The following PKD2 variants were observed in gnomAD, a reference collection of about 807,000 sequenced individuals.
PKD2 encodes polycystin 2, transient receptor potential cation channel.
A neutral mutation model predicts 105.9 loss-of-function variants in PKD2; 48 were observed. The observed-to-expected ratio is 0.45, with a 90% CI of 0.36 to 0.58. The LOEUF (loss-of-function observed/expected upper bound fraction) is 0.58. PKD2 is among the 20% of genes least tolerant of loss of function. The pLI, the probability that PKD2 is intolerant of heterozygous loss-of-function variation, is 0.00. For synonymous variants in PKD2, 464 were observed against 481.1 expected, an observed-to-expected ratio of 0.96 and a Z score of 0.46; for missense variants, 1,078 against 1,255.3, an observed-to-expected ratio of 0.86 and a Z score of 2.13.
chr4:88,042,989 G>A (rs1035397055), intron 4 of PKD2, among the ~76,000 whole-genome samples: 17 of 152,154 alleles, frequency 1.1e-4, no homozygotes, highest in African/African-American at 3.1e-4. Context: ...ATTGGTTCCC[G>A]AGTCTGCCCT....
At chr4:88,057,955 A>G (rs2110129418) in intron 8 of PKD2, 28 bp from the exon 9 acceptor site, 8 of 1,547,966 alleles carry the variant, frequency 5.2e-6, no homozygotes, top group African/African-American at 1.4e-5. Flanking sequence ...TTGTTTTTGT[A>G]TTGTGGTGTT....
intron 2 of PKD2, among the ~76,000 whole-genome samples, chr4:88,031,060 A>G (rs1727130315): frequency 6.6e-6 from 1 of 152,158 alleles, no homozygotes; most frequent in Admixed American, 6.5e-5. Context: ...CACACTTTCA[A>G]TTTTGAATTT....
intron 4 of PKD2, among the ~76,000 whole-genome samples, chr4:88,041,516 C>T (rs968159337): frequency 3.3e-5 from 5 of 152,168 alleles, no homozygotes; most frequent in Admixed American, 3.3e-4. Context: ...GTGTAGGCTT[C>T]CAGGAGCCCT....
chr4:88,062,397 A>T (rs1050790575), intron 10 of PKD2, among the ~76,000 whole-genome samples: 1 of 152,206 alleles, frequency 6.6e-6, no homozygotes, highest in African/African-American at 2.4e-5. Flanking sequence ...TTACCATTTT[A>T]AAAAAATAAA....
At chr4:88,074,775 A>G in intron 13 of PKD2, 37 bp from the exon 14 acceptor site, 1 of 1,612,716 alleles carries the variant, frequency 6.2e-7, no homozygotes, top group Non-Finnish European at 8.5e-7. Flanking sequence ...AGACAATGAC[A>G]AGCACTTTGT....
chr4:88,057,148 C>G (rs1720379707), intron 8 of PKD2, among the ~76,000 whole-genome samples: 1 of 151,966 alleles, frequency 6.6e-6, no homozygotes, highest in African/African-American at 2.4e-5. Context: ...TGCCACCATG[C>G]CTGGCCAATT....
At chr4:88,070,574 T>TTTTATA in intron 13 of PKD2, among the ~76,000 whole-genome samples, 1 of 113,936 alleles carries the variant, frequency 8.8e-6, no homozygotes, top group African/African-American at 3.5e-5. Context: ...TTTATTTATT[T>TTTTATA]TATATATATA....
chr4:88,040,965 G>C (rs761669774), intron 4 of PKD2, among the ~76,000 whole-genome samples: 1 of 152,106 alleles, frequency 6.6e-6, no homozygotes, highest in Non-Finnish European at 1.5e-5. Context: ...TCTTCTAGTA[G>C]TGCCCTTGAT....
intron 1 of PKD2, among the ~76,000 whole-genome samples, chr4:88,011,476 T>G (rs1458490744): frequency 6.6e-6 from 1 of 152,024 alleles, no homozygotes; most frequent in Non-Finnish European, 1.5e-5. Flanking sequence ...GAGAGGGTAT[T>G]CCAGGTTGAA....
At chr4:88,075,372 A>G in intron 14 of PKD2, 86 bp from the exon 15 acceptor site, 1 of 988,428 alleles carries the variant, frequency 1.0e-6, no homozygotes, top group Non-Finnish European at 1.6e-6. Context: ...CTCCAGCCTT[A>G]CCAAACTACA....
chr4:88,038,145 C>A, intron 3 of PKD2, 106 bp from the exon 4 acceptor site: 1 of 1,147,498 alleles, frequency 8.7e-7, no homozygotes, highest in Non-Finnish European at 1.3e-6. Context: ...TATCACTCTA[C>A]TATTTTCATA....
chr4:88,076,083 A>T lies in PKD2; in HGVS notation c.*389A>T. Reference sequence around the variant, plus strand: ...AAATCAGTATTGTTATTTTTTTCCAAGAGTGTGAAGGAAAATGGGGCATTC... The same window carrying T: ...AAATCAGTATTGTTATTTTTTTCCATGAGTGTGAAGGAAAATGGGGCATTC... On this transcript the variant is annotated 3_prime_UTR_variant, in exon 15 of 15. Transcript: ENST00000237596. 1 of 227,892 alleles carries T rather than the reference A, an allele frequency of 4.4e-6. No individual in the cohort carries two copies. The highest frequency in any genetic ancestry group is 6.1e-5 in the South Asian group (1 of 16,368). 14.1% of individuals were successfully genotyped at this position (227,892 alleles called of 1,614,324 possible).
chr4:88,035,097 G>A (rs1357452261), intron 2 of PKD2, among the ~76,000 whole-genome samples: 6 of 152,116 alleles, frequency 3.9e-5, no homozygotes, highest in Non-Finnish European at 5.9e-5. Context: ...GGGATAGTTG[G>A]TTATCCCCAT....
At position 88,008,713 on chromosome 4, in the gene PKD2, G is replaced by A. The variant is rs969677329; in HGVS notation, c.595+385G>A. Among the ~76,000 whole-genome samples, 5 of 152,030 alleles carry A rather than the reference G, an allele frequency of 3.3e-5. No homozygotes were observed. The East Asian group carries it at 9.7e-4, about 29-fold the overall frequency. ...TAGTTGCAACTGCATATTTGCCAATGTCACAAAATCTAAAGGAAAATGTTA... is the reference window on the plus strand; with the variant it reads ...TAGTTGCAACTGCATATTTGCCAATATCACAAAATCTAAAGGAAAATGTTA... On this transcript the variant is annotated intron_variant, in intron 1 of 14. Transcript: ENST00000237596.
In PKD2 at chr4:88,076,165, GC is replaced by G. The variant is rs1721227713; in HGVS notation, c.*473del. The G allele has an allele frequency of 6.4e-6, 1 of 157,026 alleles. No individual in the cohort carries two copies. Among genetic ancestry groups the G allele is most frequent in the Non-Finnish European group, 1.4e-5 (1 of 70,938 alleles). 9.7% of individuals were successfully genotyped at this position (157,026 alleles called of 1,614,324 possible). On this transcript the variant is annotated 3_prime_UTR_variant, in exon 15 of 15. Coordinates refer to ENST00000237596, the MANE Select transcript of PKD2 (RefSeq NM_000297.4). ...TACATAGCTTTCTTTTAAGAAAGGA[GC>G]CTTTTTTTTCAACTAGCTTCCTGGG...
At chr4:88,050,311 C>T (rs1245718842) in intron 6 of PKD2, among the ~76,000 whole-genome samples, 1 of 152,052 alleles carries the variant, frequency 6.6e-6, no homozygotes, top group Non-Finnish European at 1.5e-5. Flanking sequence ...TTTCTGAGCA[C>T]CTACTATGTA....
At chr4:88,034,132 A>C (rs575492656) in intron 2 of PKD2, among the ~76,000 whole-genome samples, 3 of 152,230 alleles carry the variant, frequency 2.0e-5, no homozygotes, top group Admixed American at 2.0e-4. Flanking sequence ...AGTAAGTCAT[A>C]TAACACCTGA....
intron 13 of PKD2, 66 bp downstream of exon 13, chr4:88,068,127 C>T (rs1720865655): frequency 8.0e-7 from 1 of 1,245,984 alleles, no homozygotes; most frequent in South Asian, 1.2e-5. Context: ...GCAGTTCCCT[C>T]ATCTCTCTGA....
chr4:88,057,946 T>C (rs372322559), intron 8 of PKD2, 37 bp from the exon 9 acceptor site: 4 of 1,519,324 alleles, frequency 2.6e-6, no homozygotes, highest in Non-Finnish European at 2.7e-6. Flanking sequence ...GGACATTCTT[T>C]GTTTTTGTAT....
Sources: gnomAD v4.1 joint callset for allele counts (sites outside exome capture counted in the v4.1 genomes callset) on GRCh38, gnomAD v4.1.1 for gene constraint, MANE v1.5 for transcripts, NCBI Gene and HGNC (gene_info 2026-07-23, HGNC 2026-07-21) for gene names.